Variants in POM121 observed in about 807,000 individuals in gnomAD.
POM121 encodes the protein POM121 transmembrane nucleoporin.
A neutral mutation model predicts 81.3 loss-of-function variants in POM121; 32 were observed. That is an observed-to-expected ratio of 0.39 (90% CI 0.30 to 0.53). POM121 has a LOEUF of 0.53. POM121 is among the 20% of genes least tolerant of loss of function. POM121 has a pLI of 0.66. For missense variants in POM121, 1,138 were observed against 1,614.6 expected, an observed-to-expected ratio of 0.70 and a Z score of 5.06; for synonymous variants, 514 against 694.2, an observed-to-expected ratio of 0.74 and a Z score of 4.08.
At chr7:72,912,887 C>A (rs562993084) in intron 3 of POM121, among the ~76,000 whole-genome samples, 1 of 152,086 alleles carries the variant, frequency 6.6e-6, no homozygotes, top group African/African-American at 2.4e-5. Flanking sequence ...ATTCAGTGTC[C>A]GCGTCATCAG....
chr7:72,933,536 C>G (rs1310364368), intron 5 of POM121, among the ~76,000 whole-genome samples: 2 of 152,068 alleles, frequency 1.3e-5, no homozygotes, highest in Non-Finnish European at 2.9e-5. Context: ...AAACCTATTC[C>G]AAATGAAGCA....
At chr7:72,887,312 T>C (rs1187401777) in intron 1 of POM121, among the ~76,000 whole-genome samples, 5 of 152,064 alleles carry the variant, frequency 3.3e-5, no homozygotes, top group Non-Finnish European at 7.4e-5. Flanking sequence ...TCTGTGTCAA[T>C]TCTGGGCCAG....
chr7:72,906,791 CTT>C (rs1244279865), intron 3 of POM121, among the ~76,000 whole-genome samples: 1 of 146,728 alleles, frequency 6.8e-6, no homozygotes, highest in Non-Finnish European at 1.5e-5. Context: ...CCTGGCTAAT[CTT>C]TTTTTTTTTC....
chr7:72,912,163 G>C (rs1554494355), intron 3 of POM121, among the ~76,000 whole-genome samples: 3 of 152,208 alleles, frequency 2.0e-5, no homozygotes. Context: ...AAAGTGCTGG[G>C]AGTACAGGCA....
At chr7:72,948,428 A>G (rs199951922), downstream of POM121, 7 of 1,613,326 alleles carry the variant, frequency 4.3e-6, no homozygotes, top group Admixed American at 1.7e-5. Context: ...AGGGTCTTCC[A>G]CGGAGAGGAC....
intron 4 of POM121, among the ~76,000 whole-genome samples, chr7:72,918,586 C>T (rs1794508897): frequency 6.6e-6 from 1 of 152,064 alleles, no homozygotes; most frequent in Non-Finnish European, 1.5e-5. Flanking sequence ...TGTCTGTGCT[C>T]AAGATCTAGT....
chr7:72,933,215 G>A (rs374395363), intron 5 of POM121, among the ~76,000 whole-genome samples: 1 of 152,076 alleles, frequency 6.6e-6, no homozygotes, highest in Non-Finnish European at 1.5e-5. Flanking sequence ...TTAGCCAGGC[G>A]TGGTCGTGTG....
At chr7:72,949,233 C>T, downstream of POM121, 1 of 859,658 alleles carries the variant, frequency 1.2e-6, no homozygotes, top group Non-Finnish European at 2.0e-6. Context: ...AGTGTCAGAA[C>T]TAAGACCAAA....
chr7:72,948,521 T>G (rs1554503870), downstream of POM121: 2 of 1,613,412 alleles, frequency 1.2e-6, no homozygotes, highest in Admixed American at 3.3e-5. Context: ...CGGCTGCAGC[T>G]TTTTGCTCTC....
intron 3 of POM121, among the ~76,000 whole-genome samples, chr7:72,907,844 C>G (rs1793417072): frequency 6.6e-6 from 1 of 152,146 alleles, no homozygotes; most frequent in African/African-American, 2.4e-5. Context: ...GCACTCTTTC[C>G]TCTCCTTCTG....
exon 1 of POM121, chr7:72,879,542 C>T: frequency 3.7e-6 from 1 of 266,784 alleles, no homozygotes; most frequent in Non-Finnish European, 7.3e-6. Context: ...AGCCGGGACC[C>T]CCGAGCGTGA....
At chr7:72,892,365 T>A (rs2906951) in intron 3 of POM121, among the ~76,000 whole-genome samples, 3 of 152,230 alleles carry the variant, frequency 2.0e-5, no homozygotes, top group Admixed American at 2.0e-4. Context: ...AAACTGTGCA[T>A]GTTCCAAAAT....
At chr7:72,913,057 A>G (rs1339460023) in intron 3 of POM121, among the ~76,000 whole-genome samples, 1 of 152,208 alleles carries the variant, frequency 6.6e-6, no homozygotes, top group African/African-American at 2.4e-5. Flanking sequence ...TTAATTATAT[A>G]TACTGTACAT....
At chr7:72,934,619 A>G (rs1454975164) in intron 5 of POM121, among the ~76,000 whole-genome samples, 1 of 152,052 alleles carries the variant, frequency 6.6e-6, no homozygotes, top group Non-Finnish European at 1.5e-5. Flanking sequence ...TATTACTTTT[A>G]TATGTAAATC....
At chr7:72,923,898 CCTT>C (rs1487159678), upstream of POM121, among the ~76,000 whole-genome samples, 5 of 151,338 alleles carry the variant, frequency 3.3e-5, no homozygotes, top group Non-Finnish European at 5.9e-5. Context: ...CCGCGCCTGG[CCTT>C]CTTATTTTTT....
At chr7:72,909,895 TCTCGGCCTCCCAC>T (rs1385523131) in intron 3 of POM121, among the ~76,000 whole-genome samples, 3 of 152,136 alleles carry the variant, frequency 2.0e-5, no homozygotes, top group African/African-American at 7.2e-5. Flanking sequence ...GTTCCTCCCA[TCTCGGCCTCCCAC>T]AGTGTTGGGA....
intron 5 of POM121, among the ~76,000 whole-genome samples, chr7:72,937,655 C>G (rs1375869584): frequency 6.6e-6 from 1 of 152,172 alleles, no homozygotes; most frequent in Non-Finnish European, 1.5e-5. Flanking sequence ...TAAGAAATCA[C>G]TAGCAGCTTT....
At chr7:72,923,941 T>C (rs1795092230), upstream of POM121, among the ~76,000 whole-genome samples, 1 of 142,944 alleles carries the variant, frequency 7.0e-6, no homozygotes, top group African/African-American at 2.6e-5. Context: ...TAACACTGAA[T>C]TGCAATTTTT....
intron 1 of POM121, among the ~76,000 whole-genome samples, chr7:72,882,878 G>A (rs1300648310): frequency 2.0e-5 from 3 of 152,130 alleles, no homozygotes; most frequent in African/African-American, 7.2e-5. Context: ...AATCCAGCGG[G>A]CATTTCCTAG....
Sources: allele counts gnomAD v4.1 joint callset (sites outside exome capture counted in the v4.1 genomes callset), GRCh38; gene constraint gnomAD v4.1.1; transcripts MANE v1.5; gene names NCBI Gene and HGNC (gene_info 2026-07-23, HGNC 2026-07-21).